CNTNAP2: variants seen among roughly 807,000 people sequenced by gnomAD.
CNTNAP2 encodes contactin-associated protein-like 2.
CNTNAP2 carries 98 observed loss-of-function variants against 155.2 expected under a neutral mutation model. That is an observed-to-expected ratio of 0.63 (90% CI 0.54 to 0.75). The LOEUF (loss-of-function observed/expected upper bound fraction) is 0.75, where lower values mean the gene tolerates loss of function less well. CNTNAP2 is among the 30% of genes least tolerant of loss of function. The pLI is 0.00. For synonymous variants in CNTNAP2, 651 were observed against 631.2 expected, an observed-to-expected ratio of 1.03 and a Z score of -0.47; for missense variants, 1,727 against 1,688.1, an observed-to-expected ratio of 1.02 and a Z score of -0.40.
At chr7:147,297,164 A>T (rs1277637455) in intron 8 of CNTNAP2, among the ~76,000 whole-genome samples, 2 of 151,388 alleles carry the variant, frequency 1.3e-5, no homozygotes, top group African/African-American at 4.9e-5. Flanking sequence ...AGCCATAGTC[A>T]GCAACTCCAA....
intron 1 of CNTNAP2, among the ~76,000 whole-genome samples, chr7:146,228,462 A>G (rs538122966): frequency 1.3e-5 from 2 of 152,320 alleles, no homozygotes; most frequent in South Asian, 4.1e-4. Context: ...TGAATAGATG[A>G]CAACAGCTTA....
intron 14 of CNTNAP2, among the ~76,000 whole-genome samples, chr7:147,974,418 A>G (rs1389330435): frequency 6.6e-6 from 1 of 152,072 alleles, no homozygotes; most frequent in African/African-American, 2.4e-5. Flanking sequence ...AGATCATCTG[A>G]GGCCAGCACC....
intron 1 of CNTNAP2, among the ~76,000 whole-genome samples, chr7:146,455,206 A>G (rs1448277460): frequency 6.6e-6 from 1 of 152,222 alleles, no homozygotes; most frequent in Non-Finnish European, 1.5e-5. Flanking sequence ...ATCATGGCAA[A>G]TACCCTTGCA....
intron 8 of CNTNAP2, among the ~76,000 whole-genome samples, chr7:147,181,180 A>G (rs1358745662): frequency 6.6e-6 from 1 of 152,164 alleles, no homozygotes; most frequent in East Asian, 1.9e-4. Flanking sequence ...GAAGCAAAGT[A>G]AAATAGTTTG....
At chr7:148,037,788 AG>A (rs1396065067) in intron 15 of CNTNAP2, among the ~76,000 whole-genome samples, 3 of 152,260 alleles carry the variant, frequency 2.0e-5, no homozygotes, top group South Asian at 2.1e-4. Flanking sequence ...ATGTATGAAT[AG>A]GAAAAAAACA....
chr7:148,114,439 T>A (rs1804420974), intron 15 of CNTNAP2, among the ~76,000 whole-genome samples: 2 of 152,212 alleles, frequency 1.3e-5, no homozygotes, highest in Admixed American at 1.3e-4. Context: ...TTATGAATGG[T>A]GACTATATTC....
chr7:147,220,435 CTCTA>C (rs1391971584), intron 8 of CNTNAP2, among the ~76,000 whole-genome samples: 3 of 152,144 alleles, frequency 2.0e-5, no homozygotes, highest in Non-Finnish European at 2.9e-5. Context: ...TTCTGACAAT[CTCTA>C]TCTTTTAATT....
chr7:147,066,114 G>A (rs1006195439), intron 4 of CNTNAP2, among the ~76,000 whole-genome samples: 3 of 152,166 alleles, frequency 2.0e-5, no homozygotes, highest in Non-Finnish European at 4.4e-5. Context: ...GGAGCTTGAT[G>A]TACAGAAACT....
chr7:148,167,079 G>A (rs889825339), intron 17 of CNTNAP2, among the ~76,000 whole-genome samples: 9 of 152,166 alleles, frequency 5.9e-5, no homozygotes, highest in East Asian at 5.8e-4. Flanking sequence ...TTTATAGAGC[G>A]AGAAATGGCA....
intron 14 of CNTNAP2, among the ~76,000 whole-genome samples, chr7:147,914,867 G>A (rs1055190372): frequency 6.6e-5 from 10 of 152,202 alleles, no homozygotes; most frequent in South Asian, 2.1e-4. Context: ...TTTCTCTAAT[G>A]TGTATAATCC....
chr7:147,210,787 T>G (rs758029159), intron 8 of CNTNAP2, among the ~76,000 whole-genome samples: 9 of 151,992 alleles, frequency 5.9e-5, no homozygotes, highest in Admixed American at 5.3e-4. Flanking sequence ...TTTTCATTTA[T>G]TTTTTAAAAA....
intron 1 of CNTNAP2, among the ~76,000 whole-genome samples, chr7:146,398,542 C>T (rs2129107809): frequency 6.6e-6 from 1 of 152,214 alleles, no homozygotes; most frequent in Admixed American, 6.5e-5. Flanking sequence ...GGGACATAGC[C>T]AAACAACATC....
chr7:148,133,585 G>T (rs1428266793), intron 16 of CNTNAP2: 1 of 152,202 alleles, frequency 6.6e-6, no homozygotes, highest in African/African-American at 2.4e-5. Context: ...AGCCCGGGAA[G>T]TCTAGCTGGC....
intron 1 of CNTNAP2, among the ~76,000 whole-genome samples, chr7:146,393,602 T>G (rs1795577308): frequency 6.6e-6 from 1 of 152,156 alleles, no homozygotes; most frequent in Admixed American, 6.5e-5. Context: ...TAACTCAAGT[T>G]ACTATAGGAT....
At chr7:146,739,429 T>C (rs759068862) in intron 1 of CNTNAP2, among the ~76,000 whole-genome samples, 28 of 152,030 alleles carry the variant, frequency 1.8e-4, no homozygotes, top group Non-Finnish European at 3.8e-4. Flanking sequence ...AGAAGCACGT[T>C]CTTTAATTTC....
chr7:147,974,591 C>T (rs1248242727), intron 14 of CNTNAP2, among the ~76,000 whole-genome samples: 3 of 152,258 alleles, frequency 2.0e-5, no homozygotes, highest in East Asian at 3.9e-4. Flanking sequence ...TGCCATTGCA[C>T]TCCAGCCTGG....
chr7:146,788,084 G>A (rs1000473748), intron 2 of CNTNAP2, among the ~76,000 whole-genome samples: 1 of 152,142 alleles, frequency 6.6e-6, no homozygotes, highest in African/African-American at 2.4e-5. Context: ...CACTGGCCAC[G>A]GGACTTTGTG....
At chr7:147,295,669 G>A (rs1008611850) in intron 8 of CNTNAP2, among the ~76,000 whole-genome samples, 1 of 152,150 alleles carries the variant, frequency 6.6e-6, no homozygotes, top group African/African-American at 2.4e-5. Context: ...CTTACAAGAT[G>A]TAGACAAAAT....
chr7:146,763,669 A>G (rs1406873987), intron 1 of CNTNAP2, among the ~76,000 whole-genome samples: 1 of 152,214 alleles, frequency 6.6e-6, no homozygotes, highest in Non-Finnish European at 1.5e-5. Flanking sequence ...ATGAAAGTCA[A>G]CAATTATCTA....
Sources: gnomAD v4.1 joint callset for allele counts (sites outside exome capture counted in the v4.1 genomes callset) on GRCh38, gnomAD v4.1.1 for gene constraint, MANE v1.5 for transcripts, NCBI Gene and HGNC (gene_info 2026-07-23, HGNC 2026-07-21) for gene names.